Variants in ZNF600 observed in about 807,000 individuals in gnomAD.
The protein encoded by ZNF600 is zinc finger protein 600, also known as zinc finger protein KR-ZNF1.
A neutral mutation model predicts 7.3 loss-of-function variants in ZNF600; 4 were observed. That is an observed-to-expected ratio of 0.55 (90% confidence interval 0.27 to 1.25). The LOEUF is 1.25. Ranked by LOEUF, ZNF600 falls within the 50% of genes most tolerant of loss-of-function variation. The pLI, the probability that ZNF600 is intolerant of heterozygous loss-of-function variation, is 0.12. For synonymous variants in ZNF600, 290 were observed against 308.9 expected (o/e 0.94, Z 0.64); for missense variants, 911 against 922.1 (o/e 0.99, Z 0.16).
At chr19:52,800,824 A>G in the ZNF600 span, 4 of 1,614,096 alleles carry the variant, frequency 2.5e-6, no homozygotes, top group Middle Eastern at 5.0e-4. Context: ...TTTGCTAGGT[A>G]TGAATTACAT....
At chr19:52,828,541 C>T in the ZNF600 span, among the ~76,000 whole-genome samples, 1 of 152,054 alleles carries the variant, frequency 6.6e-6, no homozygotes, top group Non-Finnish European at 1.5e-5. Context: ...TAAATAACAG[C>T]CAGGCCATAC....
At chr19:52,802,039 A>AAT in the ZNF600 span, among the ~76,000 whole-genome samples, 1 of 152,182 alleles carries the variant, frequency 6.6e-6, no homozygotes, top group Non-Finnish European at 1.5e-5. Context: ...AAAAAAGAAA[A>AAT]ATATATATTC....
At chr19:52,772,528 G>A (rs1318804085) in intron 3 of ZNF600, among the ~76,000 whole-genome samples, 1 of 152,116 alleles carries the variant, frequency 6.6e-6, no homozygotes. Context: ...CCTTGAACCC[G>A]GGAGGTGGAG....
rs555331079 is a variant in ZNF600, at chr19:52,786,205, C to A, written c.-20+390G>T. Among the ~76,000 whole-genome samples the A allele has an allele frequency of 4.3e-3, 303 of 71,020 alleles. 2 individuals are homozygous for A. Among genetic ancestry groups the A allele is most frequent in the African/African-American group, 0.015 (283 of 19,500 alleles). The allele number at this position is 71,020 out of a possible 152,430, so 46.6% of individuals were successfully genotyped here. On this transcript the variant is annotated intron_variant, in intron 1 of 3. Coordinates refer to ENST00000648973, the Ensembl canonical transcript of ZNF600. Reference sequence around the variant, plus strand: ...GTATCATAGGACAAGCCCCTGCGACCCACCCCAACCCTGGCTCAGGGGAAG... The same window carrying A: ...GTATCATAGGACAAGCCCCTGCGACACACCCCAACCCTGGCTCAGGGGAAG...
the ZNF600 span, among the ~76,000 whole-genome samples, chr19:52,795,973 G>C: frequency 1.3e-5 from 2 of 151,954 alleles, no homozygotes; most frequent in African/African-American, 4.8e-5. Context: ...CCTGGAGTTC[G>C]AGACCAGCTT....
the ZNF600 span, chr19:52,818,058 T>C: frequency 6.3e-7 from 1 of 1,575,070 alleles, no homozygotes; most frequent in African/African-American, 1.3e-5. Flanking sequence ...TGTTGTTTAT[T>C]GCTCAGAATC....
rs564604022 is a variant in ZNF600, at chr19:52,778,386, A to G, written c.63+440T>C. ...CTACTAGTGTGGCTTCAAATGCATTACCAAATCAGATACAAAATACCTCCC... is the reference window on the plus strand; with the variant it reads ...CTACTAGTGTGGCTTCAAATGCATTGCCAAATCAGATACAAAATACCTCCC... On this transcript the variant is annotated intron_variant, in intron 2 of 3. Coordinates refer to ENST00000648973, the Ensembl canonical transcript of ZNF600. 5.9e-5 allele frequency among the ~76,000 whole-genome samples: 9 copies of G among 152,194 alleles called. No individual in the cohort carries two copies. In the East Asian group the frequency reaches 1.7e-3, roughly 29 times the overall value.
the ZNF600 span, chr19:52,810,256 A>G: frequency 3.0e-6 from 4 of 1,322,676 alleles, no homozygotes; most frequent in Middle Eastern, 2.5e-4. Context: ...CCTCCAGGCA[A>G]TGCTGGCCCA....
chr19:52,823,536 C>T, the ZNF600 span, among the ~76,000 whole-genome samples: 5 of 152,112 alleles, frequency 3.3e-5, no homozygotes, highest in Non-Finnish European at 5.9e-5. Flanking sequence ...TTAGAAGTTG[C>T]GCCTGCACAC....
At position 52,776,962 on chromosome 19, in the gene ZNF600, C is replaced by T. The variant is rs112263372; in HGVS notation, c.63+1864G>A. On this transcript the variant is annotated intron_variant, in intron 2 of 3. Transcript: ENST00000648973. ...TGAAACAAAATCACCCCACTGCACT[C>T]CTGCCTGGACAACAGAGACTCAACT... is the stretch of plus-strand genomic sequence containing the variant. Among the ~76,000 whole-genome samples the T allele has an allele frequency of 1.9e-3, 284 of 152,136 alleles. 1 individual carries two copies. Among genetic ancestry groups the T allele is most frequent in the African/African-American group, 6.6e-3 (275 of 41,532 alleles).
chr19:52,832,355 G>T, the ZNF600 span, among the ~76,000 whole-genome samples: 2 of 152,054 alleles, frequency 1.3e-5, no homozygotes, highest in South Asian at 4.2e-4. Flanking sequence ...CAGCACTTTG[G>T]GAGGCTAAGG....
the ZNF600 span, among the ~76,000 whole-genome samples, chr19:52,814,934 C>CT: frequency 2.1e-5 from 3 of 145,606 alleles, no homozygotes; most frequent in East Asian, 6.0e-4. Flanking sequence ...GTACGAAAAT[C>CT]TTTTTTTGCA....
chr19:52,828,150 C>T, the ZNF600 span, among the ~76,000 whole-genome samples: 1 of 151,984 alleles, frequency 6.6e-6, no homozygotes, highest in African/African-American at 2.4e-5. Flanking sequence ...CTCCTGAGTT[C>T]CAGCAATTCT....
the ZNF600 span, among the ~76,000 whole-genome samples, chr19:52,826,635 G>A: frequency 6.6e-6 from 1 of 152,070 alleles, no homozygotes; most frequent in Non-Finnish European, 1.5e-5. Flanking sequence ...GAACCCGGGA[G>A]GCAGAGGTTG....
At chr19:52,830,380 G>A in the ZNF600 span, among the ~76,000 whole-genome samples, 1 of 152,100 alleles carries the variant, frequency 6.6e-6, no homozygotes, top group African/African-American at 2.4e-5. Context: ...ACCCCAATTT[G>A]CACATACAGT....
the ZNF600 span, among the ~76,000 whole-genome samples, chr19:52,812,076 C>T: frequency 2.2e-5 from 2 of 92,584 alleles, no homozygotes; most frequent in African/African-American, 1.2e-4. Context: ...CGCCTCTGCC[C>T]GGCCGCCCCT....
At chr19:52,814,097 A>G in the ZNF600 span, among the ~76,000 whole-genome samples, 1 of 146,628 alleles carries the variant, frequency 6.8e-6, no homozygotes, top group Admixed American at 6.9e-5. Flanking sequence ...GCAGAAATAC[A>G]CGTGTACAAG....
chr19:52,798,912 C>G, the ZNF600 span: 13 of 1,436,572 alleles, frequency 9.0e-6, no homozygotes, highest in African/African-American at 7.1e-5. Context: ...CCACTAAAGG[C>G]TTTGCCACAC....
chr19:52,798,356 T>G, the ZNF600 span: 1 of 341,936 alleles, frequency 2.9e-6, no homozygotes, highest in Admixed American at 4.2e-5. Flanking sequence ...CAATGTTAAG[T>G]CAACTCAAAC....
Sources: gnomAD v4.1 joint callset for allele counts (sites outside exome capture counted in the v4.1 genomes callset) on GRCh38, gnomAD v4.1.1 for gene constraint, MANE v1.5 for transcripts, NCBI Gene and HGNC (gene_info 2026-07-23, HGNC 2026-07-21) for gene names.